SCAF8: variants seen among roughly 807,000 people sequenced by gnomAD.
SCAF8 encodes SR-related CTD associated factor 8.
Under a neutral mutation model 140.5 loss-of-function variants are expected in SCAF8, and 23 were observed. That is an observed-to-expected ratio of 0.16 (90% confidence interval 0.12 to 0.23). The LOEUF (loss-of-function observed/expected upper bound fraction) is 0.23. Among genes scored for constraint, SCAF8 ranks in the 10% least tolerant of loss-of-function variants. SCAF8 has a pLI of 1.00. For synonymous variants in SCAF8, 575 were observed against 528.9 expected (o/e 1.09, Z -1.20); for missense variants, 1,397 against 1,555.7 (o/e 0.90, Z 1.72).
rs749202411 is a variant in SCAF8, at chr6:154,810,088, C to T, written c.1300C>T (p.Arg434Cys). 84 of 1,613,570 alleles carry T rather than the reference C, an allele frequency of 5.2e-5. No individual in the cohort carries two copies. Among genetic ancestry groups the T allele is most frequent in the Non-Finnish European group, 6.7e-5 (79 of 1,179,880 alleles). Reference sequence around the variant, plus strand: ...TAAACACAGAAAGCGATCACGCTCCCGCTCAAGAGAAAGAAAGAGGAAATC... The same window carrying T: ...TAAACACAGAAAGCGATCACGCTCCTGCTCAAGAGAAAGAAAGAGGAAATC... ...KRKHRKRSRS[R>C]SRERKRKSSR... Residue 434 changes from arginine (R) to cysteine (C), a missense_variant, in exon 12 of 20, where the codon CGC (arginine) becomes TGC (cysteine). This residue lies in a region of SCAF8 where 339 missense variants were observed against 407.5 expected (regional missense o/e 0.83). Coordinates refer to ENST00000367178, the MANE Select transcript of SCAF8 (RefSeq NM_014892.5).
At chr6:154,745,918 CACT>C (rs1778687998) in intron 1 of SCAF8, among the ~76,000 whole-genome samples, 1 of 152,072 alleles carries the variant, frequency 6.6e-6, no homozygotes, top group Non-Finnish European at 1.5e-5. Context: ...CTCACTCTGT[CACT>C]GTCACCCAGG....
intron 1 of SCAF8, among the ~76,000 whole-genome samples, chr6:154,747,210 A>G (rs951326874): frequency 2.6e-5 from 4 of 152,152 alleles, no homozygotes; most frequent in African/African-American, 9.7e-5. Flanking sequence ...GTCTTTTACA[A>G]AGCTTAAAAT....
chr6:154,752,669 G>A (rs1014894430), intron 1 of SCAF8, among the ~76,000 whole-genome samples: 2 of 152,100 alleles, frequency 1.3e-5, no homozygotes, highest in Non-Finnish European at 2.9e-5. Context: ...TTCAAGTTGG[G>A]GAAATAGTTG....
intron 12 of SCAF8, among the ~76,000 whole-genome samples, chr6:154,813,543 C>T (rs1028926125): frequency 1.3e-5 from 2 of 151,948 alleles, no homozygotes; most frequent in Non-Finnish European, 2.9e-5. Context: ...AATAAAGGGG[C>T]GGGGGGATCT....
chr6:154,779,805 T>A (rs571021664), intron 3 of SCAF8, among the ~76,000 whole-genome samples: 1 of 149,340 alleles, frequency 6.7e-6, no homozygotes, highest in Non-Finnish European at 1.5e-5. Context: ...ATATATACAC[T>A]TTTTTTTTAT....
In SCAF8 at chr6:154,803,658, A is replaced by T. The variant is rs775969606; in HGVS notation, c.863+35A>T. ...TTTTCTTTATAGCCATAGTTTTTTT[A>T]TATTTAGTGGGATGTTGCCATCTGA... On this transcript the variant is annotated intron_variant, in intron 8 of 19. Transcript: ENST00000367178. 3.1e-6 allele frequency: 4 copies of T among 1,308,256 alleles called. No individual in the cohort carries two copies. In the South Asian group the frequency reaches 4.9e-5, roughly 16 times the overall value. 81.0% of individuals were successfully genotyped at this position (1,308,256 alleles called of 1,614,324 possible). A position where few individuals can be genotyped will look rare whatever the true frequency, so the allele number is the denominator to read the frequency against.
At chr6:154,783,787 G>A (rs575566250) in intron 3 of SCAF8, among the ~76,000 whole-genome samples, 1 of 152,146 alleles carries the variant, frequency 6.6e-6, no homozygotes, top group African/African-American at 2.4e-5. Flanking sequence ...ATGGCTGTTA[G>A]CTAGGTGCAG....
At position 154,827,196 on chromosome 6, in the gene SCAF8, C is replaced by A; in HGVS notation, c.2096C>A (p.Pro699Gln). 1 of 1,604,802 alleles carries A rather than the reference C, an allele frequency of 6.2e-7. No homozygotes were observed. Among genetic ancestry groups the A allele is most frequent in the East Asian group, 2.3e-5 (1 of 44,190 alleles). The change falls in exon 18 of 20, where the codon CCA (proline) becomes CAA (glutamine). Residue 699 changes from proline to glutamine, a missense_variant. By Grantham distance (76) the Pro-to-Gln change is moderately conservative. This residue lies in a region of SCAF8 where 930 missense variants were observed against 874.6 expected (regional missense o/e 1.06). Transcript: ENST00000367178. ...PPGFMPPPVP[P>Q]PVVPPPTIPP... is the part of the protein sequence containing the mutation. Reference sequence around the variant, plus strand: ...GGTTTCATGCCGCCTCCAGTTCCCCCACCTGTTGTGCCACCCCCTACGATT... The same window carrying A: ...GGTTTCATGCCGCCTCCAGTTCCCCAACCTGTTGTGCCACCCCCTACGATT...
At chr6:154,766,910 TATAGGC>T (rs1776588493) in intron 1 of SCAF8, among the ~76,000 whole-genome samples, 1 of 152,106 alleles carries the variant, frequency 6.6e-6, no homozygotes, top group Non-Finnish European at 1.5e-5. Flanking sequence ...CAATCCTTTT[TATAGGC>T]TACAGTGTAT....
rs200983999 is a variant in SCAF8 at position 154,827,839 on chromosome 6, G to T, written c.2140+599G>T. ...ACACCTTTTTTGGGGCGGGGCGGGG[G>T]GGGGGGCGGTGTAAAACTTTATTTT... On this transcript the variant is annotated intron_variant, in intron 18 of 19. Coordinates refer to ENST00000367178, the MANE Select transcript of SCAF8 (RefSeq NM_014892.5). 3.4e-3 allele frequency among the ~76,000 whole-genome samples: 519 copies of T among 150,630 alleles called. 26 individuals are homozygous for T. The highest frequency in any genetic ancestry group is 0.019 in the South Asian group (87 of 4,648).
intron 3 of SCAF8, among the ~76,000 whole-genome samples, chr6:154,786,738 A>G (rs1334348336): frequency 6.6e-6 from 1 of 152,174 alleles, no homozygotes; most frequent in East Asian, 1.9e-4. Context: ...GAGTCTTAGG[A>G]ATTCTTGTTT....
intron 3 of SCAF8, among the ~76,000 whole-genome samples, chr6:154,784,912 A>G (rs1415432525): frequency 6.6e-6 from 1 of 152,154 alleles, no homozygotes; most frequent in East Asian, 1.9e-4. Flanking sequence ...GCTCCCACTC[A>G]TTTCAAGAAG....
intron 6 of SCAF8, among the ~76,000 whole-genome samples, chr6:154,796,100 T>C (rs2114886769): frequency 6.6e-6 from 1 of 152,304 alleles, no homozygotes; most frequent in Non-Finnish European, 1.5e-5. Context: ...CACTAAGTTA[T>C]GGAAGAGATC....
chr6:154,745,837 A>AT (rs1380672750), intron 1 of SCAF8, among the ~76,000 whole-genome samples: 1 of 151,934 alleles, frequency 6.6e-6, no homozygotes, highest in Non-Finnish European at 1.5e-5. Context: ...CCATTTATAT[A>AT]TATAGGTGTA....
At position 154,818,465 on chromosome 6, in the gene SCAF8, AT is replaced by A. The variant is rs751553295; in HGVS notation, c.1522-6del. On this transcript the variant is annotated splice_polypyrimidine_tract_variant and intron_variant, in intron 13 of 19. Coordinates refer to ENST00000367178, the MANE Select transcript of SCAF8 (RefSeq NM_014892.5). ...TGTTCTTATACCTTTTCTTAAAACA[AT>A]TTTTTTTATTAGATGATTCCTCCCC... 106 of 1,500,562 alleles carry A rather than the reference AT, an allele frequency of 7.1e-5. No individual in the cohort carries two copies. The highest frequency in any genetic ancestry group is 3.0e-4 in the South Asian group (24 of 81,106). 93.0% of individuals were successfully genotyped at this position (1,500,562 alleles called of 1,614,324 possible). A position where few individuals can be genotyped will look rare whatever the true frequency, so the allele number is the denominator to read the frequency against.
intron 1 of SCAF8, among the ~76,000 whole-genome samples, chr6:154,750,321 G>A (rs899822775): frequency 6.6e-6 from 1 of 152,264 alleles, no homozygotes; most frequent in Admixed American, 6.5e-5. Context: ...TATGGGTTGG[G>A]TACCTGGAGA....
chr6:154,760,991 A>G (rs1170587944), intron 1 of SCAF8, among the ~76,000 whole-genome samples: 1 of 151,762 alleles, frequency 6.6e-6, no homozygotes, highest in Admixed American at 6.6e-5. Context: ...TTGTAGAGGC[A>G]GGGCCTTGCT....
rs1043057858 is a variant in SCAF8, at chr6:154,737,740, C to T, written c.30+3810C>T. On this transcript the variant is annotated intron_variant, in intron 1 of 19. Transcript: ENST00000367178. The stretch of plus-strand genomic sequence containing the variant: ...GGTACTCGCTGTTGACAGGTCACCA[C>T]GCCGGGCTAATTGTTTTTGTTTTGT... 7.8e-4 allele frequency among the ~76,000 whole-genome samples: 118 copies of T among 152,120 alleles called. 1 individual carries two copies. Among genetic ancestry groups the T allele is most frequent in the African/African-American group, 2.8e-3 (115 of 41,524 alleles).
intron 13 of SCAF8, among the ~76,000 whole-genome samples, chr6:154,816,244 T>TG (rs1778244657): frequency 2.6e-5 from 4 of 152,208 alleles, no homozygotes; most frequent in Non-Finnish European, 5.9e-5. Context: ...TCTTTTGCCT[T>TG]TTTCTTCTCA....
Sources: gnomAD v4.1 joint callset for allele counts (sites outside exome capture counted in the v4.1 genomes callset) on GRCh38, gnomAD v4.1.1 for gene constraint, gnomAD v4.1.1 regional missense constraint, MANE v1.5 for transcripts, NCBI Gene and HGNC (gene_info 2026-07-23, HGNC 2026-07-21) for gene names.